The following ABCB5 variants were observed in gnomAD, a reference collection of about 807,000 sequenced individuals.
The protein encoded by ABCB5 is ATP-binding cassette sub-family B member 5.
In ABCB5, 155 loss-of-function variants were observed where a neutral mutation model predicts 144.2. The observed-to-expected ratio is 1.08, with a 90% CI of 0.94 to 1.23. ABCB5 has a LOEUF of 1.23. Ranked by LOEUF, ABCB5 falls within the 50% of genes most tolerant of loss-of-function variation. The pLI, the probability that ABCB5 is intolerant of heterozygous loss-of-function variation, is 0.00. For synonymous variants in ABCB5, 610 were observed against 528.6 expected, an observed-to-expected ratio of 1.15 and a Z score of -2.11; for missense variants, 1,830 against 1,520.8, an observed-to-expected ratio of 1.20 and a Z score of -3.38.
chr7:20,670,685 G>A (rs1785438199), intron 14 of ABCB5, among the ~76,000 whole-genome samples: 2 of 152,176 alleles, frequency 1.3e-5, no homozygotes, highest in South Asian at 2.1e-4. Flanking sequence ...CAAGGTGGGC[G>A]CATCACCTGA....
At chr7:20,618,333 A>T (rs566508509) in intron 1 of ABCB5, among the ~76,000 whole-genome samples, 1 of 152,224 alleles carries the variant, frequency 6.6e-6, no homozygotes, top group African/African-American at 2.4e-5. Flanking sequence ...TGTACTTACC[A>T]TAATACTTTC....
Position 20,658,410 on chromosome 7 carries a change from GCTGATATTAAAACACAA to G in ABCB5, c.1537-92_1537-76del, listed in dbSNP as rs1314887253. On this transcript the variant is annotated intron_variant, in intron 13 of 27. Coordinates refer to ENST00000404938, the MANE Select transcript of ABCB5 (RefSeq NM_001163941.2). Reference sequence around the variant, plus strand: ...ACCCAGAGGCTGAAGTACTGATTAAGCTGATATTAAAACACAACTGGGATTGTCATTTCCTGTTCTAA... The same window carrying G: ...ACCCAGAGGCTGAAGTACTGATTAAGCTGGGATTGTCATTTCCTGTTCTAA... 1.0e-5 allele frequency: 12 copies of G among 1,203,164 alleles called. No homozygotes were observed. In the East Asian group the frequency reaches 2.6e-4, roughly 26 times the overall value. 74.5% of individuals were successfully genotyped at this position (1,203,164 alleles called of 1,614,324 possible). A position where few individuals can be genotyped will look rare whatever the true frequency, so the allele number is the denominator to read the frequency against.
chr7:20,706,948 G>T (rs1042434974), intron 20 of ABCB5, among the ~76,000 whole-genome samples: 1 of 152,138 alleles, frequency 6.6e-6, no homozygotes, highest in Non-Finnish European at 1.5e-5. Flanking sequence ...TTCTTACTTT[G>T]CCATATAAAG....
intron 25 of ABCB5, among the ~76,000 whole-genome samples, chr7:20,743,648 G>C (rs1782629204): frequency 6.6e-6 from 1 of 151,654 alleles, no homozygotes; most frequent in Admixed American, 6.6e-5. Context: ...CCATTACCTT[G>C]TCCTCCCCCC....
intron 15 of ABCB5, among the ~76,000 whole-genome samples, chr7:20,683,351 C>T (rs1348509807): frequency 6.6e-6 from 1 of 152,014 alleles, no homozygotes; most frequent in Non-Finnish European, 1.5e-5. Context: ...ATTTGATAAT[C>T]GAATTTTTAT....
intron 1 of ABCB5, among the ~76,000 whole-genome samples, chr7:20,617,261 C>T (rs1259097075): frequency 1.3e-5 from 2 of 152,114 alleles, no homozygotes. Flanking sequence ...AAAAAATCAT[C>T]TAATGAGCTT....
chr7:20,755,174 C>G (rs562033486), intron 27 of ABCB5, among the ~76,000 whole-genome samples: 1 of 152,300 alleles, frequency 6.6e-6, no homozygotes, highest in South Asian at 2.1e-4. Context: ...GTCTCGAACT[C>G]CTGACCTCAG....
chr7:20,625,564 G>C (rs1783891427), intron 2 of ABCB5, among the ~76,000 whole-genome samples: 1 of 152,122 alleles, frequency 6.6e-6, no homozygotes, highest in Non-Finnish European at 1.5e-5. Context: ...TTCATTTAAA[G>C]CTCAGATTTT....
intron 14 of ABCB5, among the ~76,000 whole-genome samples, chr7:20,661,810 G>T (rs942918959): frequency 6.6e-6 from 1 of 152,066 alleles, no homozygotes; most frequent in Non-Finnish European, 1.5e-5. Flanking sequence ...TGGGATTACA[G>T]GGGTGAGCCA....
chr7:20,645,669 T>C, intron 7 of ABCB5, 87 bp from the exon 8 acceptor site: 1 of 1,497,484 alleles, frequency 6.7e-7, no homozygotes, highest in Non-Finnish European at 9.1e-7. Context: ...TTAGTCTACT[T>C]AGAATTCAAA....
intron 20 of ABCB5, among the ~76,000 whole-genome samples, chr7:20,707,679 A>G (rs1176410981): frequency 6.6e-6 from 1 of 152,188 alleles, no homozygotes; most frequent in Admixed American, 6.5e-5. Context: ...TCTTCTCATC[A>G]GAGCTGTAAT....
At chr7:20,688,561 C>G (rs956681847) in intron 16 of ABCB5, among the ~76,000 whole-genome samples, 1 of 152,120 alleles carries the variant, frequency 6.6e-6, no homozygotes, top group African/African-American at 2.4e-5. Flanking sequence ...GTCAGTGTGG[C>G]GATTCCTCAA....
intron 26 of ABCB5, among the ~76,000 whole-genome samples, chr7:20,750,779 G>A (rs531174132): frequency 7.2e-5 from 11 of 152,124 alleles, no homozygotes; most frequent in Non-Finnish European, 1.3e-4. Context: ...TGCAGAGCAA[G>A]GAGTCAATTA....
chr7:20,721,005 G>T (rs1781850314), intron 20 of ABCB5, among the ~76,000 whole-genome samples: 1 of 149,674 alleles, frequency 6.7e-6, no homozygotes, highest in Non-Finnish European at 1.5e-5. Context: ...AGACTAAAGA[G>T]GCCTGACACC....
chr7:20,723,634 A>G (rs1292596500), intron 21 of ABCB5, among the ~76,000 whole-genome samples: 2 of 152,246 alleles, frequency 1.3e-5, no homozygotes, highest in African/African-American at 4.8e-5. Flanking sequence ...CACTTAGAAC[A>G]GTGTCTGGAA....
chr7:20,673,057 G>T (rs1478639543), intron 14 of ABCB5, among the ~76,000 whole-genome samples: 2 of 151,282 alleles, frequency 1.3e-5, no homozygotes, highest in Non-Finnish European at 2.9e-5. Flanking sequence ...ATTTTATTTG[G>T]TTTCAGTATT....
intron 20 of ABCB5, 133 bp downstream of exon 20, chr7:20,704,940 C>T (rs2158854): frequency 0.25 from 134,981 of 550,396 alleles, 18,012 homozygotes; most frequent in Non-Finnish European, 0.28. Context: ...GTAAGTCTCA[C>T]GGTTAACAGG....
rs141490175 is a variant in ABCB5 at position 20,700,092 on chromosome 7, C to G, written c.2294C>G (p.Thr765Arg). 23 of 1,613,722 alleles carry G rather than the reference C, an allele frequency of 1.4e-5. No homozygotes were observed. The highest frequency in any genetic ancestry group is 1.9e-5 in the Non-Finnish European group (22 of 1,179,836). Residue 765 changes from threonine (T) to arginine (R), a missense_variant, in exon 19 of 28, where the codon ACG (threonine) becomes AGG (arginine). Transcript: ENST00000404938. ...LFYGRAGEIL[T>R]MRLRHLAFKA... Reference sequence around the variant, plus strand: ...TACGGCAGAGCAGGGGAAATTTTAACGATGAGATTAAGACACTTGGCCTTC... The same window carrying G: ...TACGGCAGAGCAGGGGAAATTTTAAGGATGAGATTAAGACACTTGGCCTTC...
intron 25 of ABCB5, 27 bp downstream of exon 25, chr7:20,743,101 T>C (rs767600852): frequency 1.2e-6 from 2 of 1,609,268 alleles, no homozygotes; most frequent in South Asian, 1.1e-5. Flanking sequence ...ACACACCTAA[T>C]CTGGGGGTTA....
Sources: allele counts gnomAD v4.1 joint callset (sites outside exome capture counted in the v4.1 genomes callset), GRCh38; gene constraint gnomAD v4.1.1; transcripts MANE v1.5; gene names NCBI Gene and HGNC (gene_info 2026-07-23, HGNC 2026-07-21).